KCNIP1: variants seen among roughly 807,000 people sequenced by gnomAD.
KCNIP1 encodes the protein A-type potassium channel modulatory protein KCNIP1.
Under a neutral mutation model 33.0 loss-of-function variants are expected in KCNIP1, and 18 were observed. The observed-to-expected ratio is 0.55, with a 90% CI of 0.38 to 0.81. The LOEUF is 0.81. KCNIP1 is among the 30% of genes least tolerant of loss of function. The pLI is 0.00. For synonymous variants in KCNIP1, 93 were observed against 98.3 expected, an observed-to-expected ratio of 0.95 and a Z score of 0.32; for missense variants, 238 against 271.6, an observed-to-expected ratio of 0.88 and a Z score of 0.87.
intron 1 of KCNIP1, among the ~76,000 whole-genome samples, chr5:170,691,352 A>T (rs921742547): frequency 1.3e-5 from 2 of 152,252 alleles, no homozygotes; most frequent in Non-Finnish European, 2.9e-5. Context: ...TGTATTTCAC[A>T]GAATGTTTAG....
intron 1 of KCNIP1, among the ~76,000 whole-genome samples, chr5:170,454,528 C>T (rs1192148842): frequency 6.6e-6 from 1 of 152,168 alleles, no homozygotes; most frequent in Non-Finnish European, 1.5e-5. Flanking sequence ...CCCAGGAGAA[C>T]TGGTTTTTGT....
chr5:170,508,632 G>A (rs1754806366), intron 1 of KCNIP1, among the ~76,000 whole-genome samples: 1 of 152,212 alleles, frequency 6.6e-6, no homozygotes, highest in Non-Finnish European at 1.5e-5. Context: ...CTGATGTATA[G>A]AAATGTTTGT....
upstream of KCNIP1, among the ~76,000 whole-genome samples, chr5:170,500,258 C>A (rs1013514565): frequency 2.6e-5 from 4 of 152,132 alleles, no homozygotes; most frequent in African/African-American, 9.7e-5. Context: ...CTTAGAGGTC[C>A]CTTCTTCAAA....
At chr5:170,682,784 CTTTTT>C (rs70979196) in intron 1 of KCNIP1, among the ~76,000 whole-genome samples, 190 of 71,394 alleles carry the variant, frequency 2.7e-3, no homozygotes, top group African/African-American at 0.01. Flanking sequence ...TTCTTTGTTT[CTTTTT>C]TTTTTTTTTT....
intron 1 of KCNIP1, among the ~76,000 whole-genome samples, chr5:170,604,609 TG>T (rs1758829040): frequency 6.6e-6 from 1 of 151,944 alleles, no homozygotes; most frequent in Non-Finnish European, 1.5e-5. Flanking sequence ...TCCCTGGGGG[TG>T]AGGAAGCCAC....
At chr5:170,510,470 C>G (rs1754891921) in intron 1 of KCNIP1, among the ~76,000 whole-genome samples, 1 of 152,148 alleles carries the variant, frequency 6.6e-6, no homozygotes, top group Admixed American at 6.5e-5. Context: ...TGGGGAGAAG[C>G]TCTGCAAAAT....
intron 1 of KCNIP1, among the ~76,000 whole-genome samples, chr5:170,357,201 C>T (rs1763372013): frequency 6.6e-6 from 1 of 152,180 alleles, no homozygotes; most frequent in South Asian, 2.1e-4. Context: ...TGAGACATCC[C>T]CGGACCCTGC....
intron 1 of KCNIP1, among the ~76,000 whole-genome samples, chr5:170,358,377 C>T (rs1763404804): frequency 6.6e-6 from 1 of 152,122 alleles, no homozygotes; most frequent in Admixed American, 6.5e-5. Flanking sequence ...TTTTTCGAGG[C>T]AAAACCTCAG....
chr5:170,619,064 A>G (rs1759509203), intron 1 of KCNIP1, among the ~76,000 whole-genome samples: 2 of 152,196 alleles, frequency 1.3e-5, no homozygotes, highest in Admixed American at 6.5e-5. Flanking sequence ...GTGTTCCATA[A>G]ACAGCTGTTG....
rs75747091 is a variant in KCNIP1, at chr5:170,542,081, C to T, written c.61+37448C>T. 5.5e-3 allele frequency among the ~76,000 whole-genome samples: 830 copies of T among 152,290 alleles called. 11 individuals carry two copies. The highest frequency in any genetic ancestry group is 0.018 in the African/African-American group (768 of 41,546). Reference sequence around the variant, plus strand: ...TATTGCACCCGGGCTCCTAGCCATACGCCCAAAAGTCAAACTGAACAACAG... The same window carrying T: ...TATTGCACCCGGGCTCCTAGCCATATGCCCAAAAGTCAAACTGAACAACAG... On this transcript the variant is annotated intron_variant, in intron 1 of 7. Transcript: ENST00000328939.
At position 170,489,245 on chromosome 5, in the gene KCNIP1, G is replaced by A. The variant is rs929478083; in HGVS notation, c.88+135281G>A. Among the ~76,000 whole-genome samples the A allele has an allele frequency of 3.0e-4, 46 of 152,216 alleles. No homozygotes were observed. Among genetic ancestry groups the A allele is most frequent in the Admixed American group, 2.9e-3 (45 of 15,286 alleles). ...CTCGGCACTTACCCCAAAAGATGGA[G>A]GACTGCTGGCAGAAACAGACAGAAA... On this transcript the variant is annotated intron_variant, in intron 1 of 7. Transcript: ENST00000377360. This position sits in a 1 kb window ranked among gnomAD's most constrained non-coding sequence, Gnocchi z 4.3.
At chr5:170,365,007 ACT>A (rs1763618738) in intron 1 of KCNIP1, among the ~76,000 whole-genome samples, 1 of 151,654 alleles carries the variant, frequency 6.6e-6, no homozygotes, top group Admixed American at 6.6e-5. Context: ...CATAGCTGAA[ACT>A]CTATACGCTT....
Position 170,718,892 on chromosome 5 carries a change from G to T in KCNIP1, c.186+10G>T, listed in dbSNP as rs375016690. On this transcript the variant is annotated intron_variant, in intron 2 of 7. Coordinates refer to ENST00000328939, the MANE Select transcript of KCNIP1 (RefSeq NM_014592.4). Reference sequence around the variant, plus strand: ...TCGAGGCTTCAAAAATGTAAGACCCGTGCACGCTCTGAAGGCCTGGGGGGG... The same window carrying T: ...TCGAGGCTTCAAAAATGTAAGACCCTTGCACGCTCTGAAGGCCTGGGGGGG... 24 of 1,605,432 alleles carry T rather than the reference G, an allele frequency of 1.5e-5. No individual in the cohort carries two copies. Among genetic ancestry groups the T allele is most frequent in the Middle Eastern group, 1.7e-4 (1 of 5,836 alleles).
intron 1 of KCNIP1, among the ~76,000 whole-genome samples, chr5:170,584,408 G>A (rs1474820616): frequency 6.6e-6 from 1 of 152,200 alleles, no homozygotes; most frequent in Non-Finnish European, 1.5e-5. Context: ...AGGCTGGACA[G>A]TAAGAGATAA....
intron 1 of KCNIP1, among the ~76,000 whole-genome samples, chr5:170,597,559 A>G (rs1464561738): frequency 6.6e-6 from 1 of 152,026 alleles, no homozygotes; most frequent in Non-Finnish European, 1.5e-5. Flanking sequence ...GAATGTATTC[A>G]TGAGCCCATA....
rs186360096 is a variant in KCNIP1, at chr5:170,464,119, C to T, written c.88+110155C>T. ...CTAAAACTTATATATACTCTAAACACGACAAAATATCATTGAAATAAATTA... is the reference window on the plus strand; with the variant it reads ...CTAAAACTTATATATACTCTAAACATGACAAAATATCATTGAAATAAATTA... On this transcript the variant is annotated intron_variant, in intron 1 of 7. Coordinates refer to the KCNIP1 transcript ENST00000377360. 9.9e-4 allele frequency among the ~76,000 whole-genome samples: 150 copies of T among 152,106 alleles called. 1 individual carries two copies. Among genetic ancestry groups the T allele is most frequent in the Middle Eastern group, 3.4e-3 (1 of 294 alleles).
chr5:170,548,512 T>C (rs1448437467), intron 1 of KCNIP1, among the ~76,000 whole-genome samples: 1 of 152,254 alleles, frequency 6.6e-6, no homozygotes, highest in African/African-American at 2.4e-5. Context: ...AAGTTCATTT[T>C]CAATTAAAAT....
At chr5:170,571,329 C>G (rs1457104272) in intron 1 of KCNIP1, among the ~76,000 whole-genome samples, 1 of 152,190 alleles carries the variant, frequency 6.6e-6, no homozygotes, top group Admixed American at 6.5e-5. Context: ...TCATCTCTTC[C>G]CTGGCCCTTT....
intron 1 of KCNIP1, among the ~76,000 whole-genome samples, chr5:170,569,700 C>T (rs532028078): frequency 1.3e-5 from 2 of 152,116 alleles, no homozygotes; most frequent in East Asian, 3.9e-4. Flanking sequence ...GCTATGATCA[C>T]ACCAATGCCC....
Sources: gnomAD v4.1 joint callset for allele counts (sites outside exome capture counted in the v4.1 genomes callset) on GRCh38, gnomAD v4.1.1 for gene constraint, Gnocchi (gnomAD v3.1) non-coding constraint, MANE v1.5 for transcripts, NCBI Gene and HGNC (gene_info 2026-07-23, HGNC 2026-07-21) for gene names.